Variants in NDUFB8 observed in about 807,000 individuals in gnomAD.
The protein encoded by NDUFB8 is NADH:ubiquinone oxidoreductase subunit B8.
A neutral mutation model predicts 26.0 loss-of-function variants in NDUFB8; 17 were observed. The observed-to-expected ratio is 0.65, with a 90% CI of 0.45 to 0.98. NDUFB8 has a LOEUF of 0.98. Among genes scored for constraint, NDUFB8 ranks in the 50% least tolerant of loss-of-function variants. NDUFB8 has a pLI of 0.00. For missense variants in NDUFB8, 238 were observed against 255.0 expected (o/e 0.93, Z 0.45); for synonymous variants, 89 against 93.1 (o/e 0.96, Z 0.25).
rs181643313 is a variant in NDUFB8, at chr10:100,529,731, C to T, written c.85+36G>A. The T allele has an allele frequency of 0.011, 17,985 of 1,601,534 alleles. 265 individuals carry two copies. Among genetic ancestry groups the T allele is most frequent in the Admixed American group, 0.071 (4,159 of 58,448 alleles). ...CCGATACACCAAATTTCAGGTACCCCCTTCCCACACTGAGGTCTCGCCCGT... is the reference window on the plus strand; with the variant it reads ...CCGATACACCAAATTTCAGGTACCCTCTTCCCACACTGAGGTCTCGCCCGT... On this transcript the variant is annotated intron_variant, in intron 1 of 4. Transcript: ENST00000299166.
chr10:100,529,173 G>A (rs1852101821), intron 2 of NDUFB8: 1 of 396,176 alleles, frequency 2.5e-6, no homozygotes, highest in Non-Finnish European at 4.4e-6. Flanking sequence ...TGAGGAAACA[G>A]CCTGAGCCAA....
intron 3 of NDUFB8, 187 bp from the exon 4 acceptor site, chr10:100,526,741 C>A: frequency 1.3e-6 from 1 of 781,660 alleles, no homozygotes; most frequent in South Asian, 1.7e-5. Context: ...CTAGGTTCTG[C>A]TGAATAGGGA....
intron 2 of NDUFB8, 114 bp downstream of exon 2, chr10:100,529,266 T>A: frequency 8.4e-6 from 5 of 592,510 alleles, no homozygotes; most frequent in Non-Finnish European, 1.1e-5. Flanking sequence ...ACCCACTCCA[T>A]TGACTCTGAG....
intron 2 of NDUFB8, 96 bp downstream of exon 2, chr10:100,529,284 G>A (rs1399751539): frequency 1.7e-6 from 2 of 1,208,422 alleles, no homozygotes; most frequent in African/African-American, 1.8e-5. Flanking sequence ...GAGGGGTCAC[G>A]AGAAGGTTCG....
Position 100,524,014 on chromosome 10 carries a change from G to A in NDUFB8, c.469-85C>T, listed in dbSNP as rs1852002128. The stretch of plus-strand genomic sequence containing the variant: ...CACTCTGAGTTAACAATCACGCATG[G>A]TAAATGGGTACACAGTAGCCTCTGG... On this transcript the variant is annotated intron_variant, in intron 4 of 4. Coordinates refer to ENST00000299166, the MANE Select transcript of NDUFB8 (RefSeq NM_005004.4). The surrounding 1 kb of genome is among the most constrained non-coding windows in gnomAD (Gnocchi z 4.0). 6.2e-7 allele frequency: 1 copy of A among 1,600,030 alleles called. No individual in the cohort carries two copies. The highest frequency in any genetic ancestry group is 1.1e-5 in the South Asian group (1 of 89,104).
At chr10:100,527,481 T>C (rs1852072392) in intron 2 of NDUFB8, among the ~76,000 whole-genome samples, 2 of 152,120 alleles carry the variant, frequency 1.3e-5, no homozygotes, top group South Asian at 4.1e-4. Context: ...CAGGTGCCTG[T>C]AATATCAGCT....
rs1852011501 is a variant in NDUFB8 at position 100,524,505 on chromosome 10, G to C, written c.469-576C>G. On this transcript the variant is annotated intron_variant, in intron 4 of 4. Transcript: ENST00000299166. The surrounding 1 kb of genome is among the most constrained non-coding windows in gnomAD (Gnocchi z 4.0). Reference sequence around the variant, plus strand: ...CAAGGGGAGGAGAAAAGGGTGATGTGCTTACAGAACTGAAAAATGGAAGAG... The same window carrying C: ...CAAGGGGAGGAGAAAAGGGTGATGTCCTTACAGAACTGAAAAATGGAAGAG... 6.6e-6 allele frequency among the ~76,000 whole-genome samples: 1 copy of C among 152,190 alleles called. No individual in the cohort carries two copies. The highest frequency in any genetic ancestry group is 1.5e-5 in the Non-Finnish European group (1 of 68,018).
chr10:100,529,662 TC>T, intron 1 of NDUFB8, 104 bp downstream of exon 1: 1 of 1,537,246 alleles, frequency 6.5e-7, no homozygotes, highest in South Asian at 1.1e-5. Context: ...CCACCTCCAC[TC>T]CCTACCCGGA....
In NDUFB8 at chr10:100,523,993, C is replaced by CT. The variant is rs976026521; in HGVS notation, c.469-65dup. 7.5e-6 allele frequency: 12 copies of CT among 1,609,732 alleles called. No individual in the cohort carries two copies. In the Admixed American group the frequency reaches 1.7e-4, roughly 23 times the overall value. The stretch of plus-strand genomic sequence containing the variant: ...AGTCAATACCTGGCTACACCCCACT[C>CT]TGAGTTAACAATCACGCATGGTAAA... On this transcript the variant is annotated intron_variant, in intron 4 of 4. Coordinates refer to ENST00000299166, the MANE Select transcript of NDUFB8 (RefSeq NM_005004.4).
intron 1 of NDUFB8, 69 bp downstream of exon 1, chr10:100,529,698 C>T (rs1166765760): frequency 2.8e-5 from 43 of 1,560,762 alleles, no homozygotes; most frequent in Non-Finnish European, 3.7e-5. Flanking sequence ...CATCTACGAT[C>T]CCCCCTCCCG....
rs201604335 is a variant in NDUFB8, at chr10:100,529,815, A to C, written c.37T>G (p.Trp13Gly). 1.2e-6 allele frequency: 2 copies of C among 1,613,746 alleles called. No individual in the cohort carries two copies. The highest frequency in any genetic ancestry group is 2.2e-5 in the East Asian group (1 of 44,824). ...ACGTTCCGGGATGCCCTTTGCAGCC[A>C]CTGGACTCCCAAGACCCCGGCCCTG... ...VARAGVLGVQ[W>G]LQRASRNVMP... The change falls in exon 1 of 5, where the codon TGG becomes GGG. Residue 13 changes from tryptophan to glycine, a missense_variant. Coordinates refer to ENST00000299166, the MANE Select transcript of NDUFB8 (RefSeq NM_005004.4).
chr10:100,526,656 C>T, intron 3 of NDUFB8, 102 bp from the exon 4 acceptor site: 2 of 1,384,686 alleles, frequency 1.4e-6, no homozygotes, highest in Non-Finnish European at 2.0e-6. Flanking sequence ...CAGAAGCATT[C>T]TACTGCCCTG....
In NDUFB8 at chr10:100,529,823, C is replaced by A. The variant is rs747478517; in HGVS notation, c.29G>T (p.Gly10Val). The change falls in exon 1 of 5, where the codon GGA becomes GTA. Residue 10 changes from glycine (G) to valine (V), a missense_variant. By Grantham distance (109) the Gly-to-Val change is moderately radical. Transcript: ENST00000299166. ...GGATGCCCTTTGCAGCCACTGGACTCCCAAGACCCCGGCCCTGGCCACCGC... is the reference window on the plus strand; with the variant it reads ...GGATGCCCTTTGCAGCCACTGGACTACCAAGACCCCGGCCCTGGCCACCGC... The part of the protein sequence containing the change: MAVARAGVL[G>V]VQWLQRASRN... 39 of 1,610,098 alleles carry A rather than the reference C, an allele frequency of 2.4e-5. No homozygotes were observed. The Middle Eastern group carries it at 2.0e-3, about 82-fold the overall frequency.
In NDUFB8 at chr10:100,529,521, A is replaced by G. The variant is rs1564658820; in HGVS notation, c.86-15T>C. On this transcript the variant is annotated splice_polypyrimidine_tract_variant and intron_variant, in intron 1 of 4. Coordinates refer to ENST00000299166, the MANE Select transcript of NDUFB8 (RefSeq NM_005004.4). ...CATGTGGGAGGCTAGAACGCAGAAG[A>G]GAACAGGTCAGAAGCGAGCCCGCTC... 4 of 1,611,628 alleles carry G rather than the reference A, an allele frequency of 2.5e-6. No individual in the cohort carries two copies. The highest frequency in any genetic ancestry group is 3.4e-6 in the Non-Finnish European group (4 of 1,179,348).
chr10:100,525,615 CGTGTGTGTGTGTGTGT>C (rs56705301), intron 4 of NDUFB8, among the ~76,000 whole-genome samples: 1,366 of 99,940 alleles, frequency 0.014, 31 homozygotes, highest in African/African-American at 0.023. Context: ...CCACCCAAAG[CGTGTGTGTGTGTGTGT>C]GTGTGTGTGT....
rs754069273 is a variant in NDUFB8 at position 100,529,807 on chromosome 10, T to C, written c.45A>G (p.Gln15=). 2.5e-6 allele frequency: 4 copies of C among 1,613,744 alleles called. No individual in the cohort carries two copies. Among genetic ancestry groups the C allele is most frequent in the Non-Finnish European group, 2.5e-6 (3 of 1,179,890 alleles). The change falls in exon 1 of 5, where the codon CAA becomes CAG. Residue 15 remains glutamine, a synonymous_variant. Transcript: ENST00000299166. ...RAGVLGVQWL[Q]RASRNVMPLG... ...GCGGCATCACGTTCCGGGATGCCCTTTGCAGCCACTGGACTCCCAAGACCC... is the reference window on the plus strand; with the variant it reads ...GCGGCATCACGTTCCGGGATGCCCTCTGCAGCCACTGGACTCCCAAGACCC...
At chr10:100,529,558 C>A (rs774582724) in intron 1 of NDUFB8, 52 bp from the exon 2 acceptor site, 347 of 1,600,700 alleles carry the variant, frequency 2.2e-4, no homozygotes, top group Non-Finnish European at 2.6e-4. Flanking sequence ...CCAGCCGCTC[C>A]GAAGGCTTCA....
intron 1 of NDUFB8, 127 bp downstream of exon 1, chr10:100,529,640 G>T: frequency 1.3e-6 from 2 of 1,539,744 alleles, no homozygotes; most frequent in Non-Finnish European, 1.8e-6. Context: ...CCATTTTCTG[G>T]ATATATCAAC....
chr10:100,526,934 CAAAG>C (rs1406732862), intron 3 of NDUFB8, 37 bp downstream of exon 3: 5 of 1,579,224 alleles, frequency 3.2e-6, no homozygotes, highest in African/African-American at 1.3e-5. Flanking sequence ...GCCAAGAAGA[CAAAG>C]AGAGAAGGAA....
Sources: allele counts gnomAD v4.1 joint callset (sites outside exome capture counted in the v4.1 genomes callset), GRCh38; gene constraint gnomAD v4.1.1; non-coding constraint Gnocchi (gnomAD v3.1); transcripts MANE v1.5; gene names NCBI Gene and HGNC (gene_info 2026-07-23, HGNC 2026-07-21).